The following DYNC1I1 variants were observed in gnomAD, a reference collection of about 807,000 sequenced individuals.
DYNC1I1 encodes the protein dynein cytoplasmic 1 intermediate chain 1.
A neutral mutation model predicts 86.6 loss-of-function variants in DYNC1I1; 43 were observed. The ratio of observed to expected loss-of-function variants is 0.50; its 90% CI spans 0.39 to 0.64. DYNC1I1 has a LOEUF of 0.64. Among genes scored for constraint, DYNC1I1 ranks in the 30% least tolerant of loss-of-function variants. The pLI, the probability that DYNC1I1 is intolerant of heterozygous loss-of-function variation, is 0.00. For synonymous variants in DYNC1I1, 262 were observed against 283.7 expected (o/e 0.92, Z 0.77); for missense variants, 604 against 788.8 (o/e 0.77, Z 2.81).
chr7:95,785,269 C>G (rs1241122434), intron 1 of DYNC1I1, among the ~76,000 whole-genome samples: 2 of 152,024 alleles, frequency 1.3e-5, no homozygotes, highest in Non-Finnish European at 2.9e-5. Context: ...AAAAAATTAG[C>G]CAGGCATGGT....
At chr7:95,857,740 C>G (rs1221979275) in intron 5 of DYNC1I1, among the ~76,000 whole-genome samples, 1 of 152,212 alleles carries the variant, frequency 6.6e-6, no homozygotes, top group Non-Finnish European at 1.5e-5. Context: ...TGAAGATTCA[C>G]TCTGACAAGT....
chr7:95,806,229 T>C (rs1160822870), intron 2 of DYNC1I1, among the ~76,000 whole-genome samples: 1 of 152,228 alleles, frequency 6.6e-6, no homozygotes, highest in Non-Finnish European at 1.5e-5. Flanking sequence ...CCTTTACTAA[T>C]AACCAGTTTC....
In DYNC1I1 at chr7:96,037,854, C is replaced by T. The variant is rs568528471; in HGVS notation, c.1365-1423C>T. Among the ~76,000 whole-genome samples the T allele has an allele frequency of 3.9e-5, 6 of 152,184 alleles. No individual in the cohort carries two copies. In the South Asian group the frequency reaches 1.0e-3, roughly 26 times the overall value. ...AATACAGACCTTAGTAACATTGTAA[C>T]GTAGCAGGCATTGGCTTTGTAGTCA... On this transcript the variant is annotated intron_variant, in intron 13 of 16. Coordinates refer to ENST00000447467, the MANE Select transcript of DYNC1I1 (RefSeq NM_001135556.2).
At chr7:95,927,459 C>A (rs1791775563) in intron 6 of DYNC1I1, among the ~76,000 whole-genome samples, 1 of 151,878 alleles carries the variant, frequency 6.6e-6, no homozygotes, top group Admixed American at 6.6e-5. Flanking sequence ...GACTTAAGGC[C>A]ATTATTGGAT....
At chr7:95,784,432 G>A (rs1794074970) in intron 1 of DYNC1I1, among the ~76,000 whole-genome samples, 1 of 152,084 alleles carries the variant, frequency 6.6e-6, no homozygotes, top group African/African-American at 2.4e-5. Context: ...ACGATGGAGG[G>A]GAGTCCGTGA....
chr7:96,034,443 C>T (rs1794886137), intron 12 of DYNC1I1, among the ~76,000 whole-genome samples: 1 of 152,132 alleles, frequency 6.6e-6, no homozygotes, highest in South Asian at 2.1e-4. Flanking sequence ...TTTTAGCATG[C>T]TCACAGACTC....
At chr7:95,954,525 T>C (rs536598625) in intron 6 of DYNC1I1, among the ~76,000 whole-genome samples, 19 of 152,060 alleles carry the variant, frequency 1.2e-4, no homozygotes, top group Non-Finnish European at 2.4e-4. Flanking sequence ...ATCAGGCATT[T>C]AAGGGCATAA....
intron 10 of DYNC1I1, among the ~76,000 whole-genome samples, chr7:95,997,580 T>G: frequency 8.1e-6 from 1 of 123,376 alleles, no homozygotes; most frequent in Non-Finnish European, 1.7e-5. Flanking sequence ...GAAAAGGGCA[T>G]TCTTGTGTGT....
chr7:95,797,958 C>G (rs966122552), intron 1 of DYNC1I1, among the ~76,000 whole-genome samples: 1 of 150,742 alleles, frequency 6.6e-6, no homozygotes, highest in Non-Finnish European at 1.5e-5. Flanking sequence ...TTTTTTTGGT[C>G]TTGGAAATTG....
intron 16 of DYNC1I1, among the ~76,000 whole-genome samples, chr7:96,091,509 G>A (rs1196454705): frequency 6.6e-6 from 1 of 152,082 alleles, no homozygotes; most frequent in Non-Finnish European, 1.5e-5. Flanking sequence ...ATGTATCTGA[G>A]AAACCAACTG....
chr7:96,081,790 C>T (rs940012174), intron 16 of DYNC1I1, among the ~76,000 whole-genome samples: 1 of 152,088 alleles, frequency 6.6e-6, no homozygotes, highest in African/African-American at 2.4e-5. Flanking sequence ...ATATTATATA[C>T]TGCTATATGG....
At chr7:95,905,449 T>A (rs1232973323) in intron 6 of DYNC1I1, among the ~76,000 whole-genome samples, 2 of 152,166 alleles carry the variant, frequency 1.3e-5, no homozygotes, top group African/African-American at 4.8e-5. Context: ...TGCAGACTCA[T>A]ATTTTCTGCA....
intron 6 of DYNC1I1, among the ~76,000 whole-genome samples, chr7:95,875,981 C>T (rs1317365698): frequency 1.3e-5 from 2 of 152,168 alleles, no homozygotes; most frequent in Non-Finnish European, 2.9e-5. Context: ...TACTGACTCT[C>T]GCTTTGGTGC....
chr7:95,895,120 T>C (rs1003650570), intron 6 of DYNC1I1, among the ~76,000 whole-genome samples: 1 of 152,162 alleles, frequency 6.6e-6, no homozygotes, highest in Non-Finnish European at 1.5e-5. Flanking sequence ...ACGACCCTTT[T>C]TTGGTGCAAC....
At chr7:95,841,706 A>T (rs1453204124) in intron 5 of DYNC1I1, among the ~76,000 whole-genome samples, 5 of 152,062 alleles carry the variant, frequency 3.3e-5, no homozygotes, top group African/African-American at 1.2e-4. Context: ...CTACATACCC[A>T]TTTAAACTCC....
intron 10 of DYNC1I1, among the ~76,000 whole-genome samples, chr7:96,023,351 G>A (rs1338271007): frequency 6.6e-6 from 1 of 152,192 alleles, no homozygotes. Context: ...TGGGGAGTGG[G>A]CAGAGTGCCA....
At chr7:96,036,345 A>C (rs1584267846) in intron 13 of DYNC1I1, among the ~76,000 whole-genome samples, 1 of 152,330 alleles carries the variant, frequency 6.6e-6, no homozygotes, top group Admixed American at 6.5e-5. Context: ...AGGATACATT[A>C]AAGAACAAGA....
intron 4 of DYNC1I1, among the ~76,000 whole-genome samples, chr7:95,815,948 C>G (rs2690294): frequency 0.54 from 82,586 of 151,780 alleles, 23,667 homozygotes; most frequent in African/African-American, 0.71. Context: ...GCAAATTGGC[C>G]TACTCAATGT....
At chr7:95,806,164 A>G (rs1437990340) in intron 2 of DYNC1I1, among the ~76,000 whole-genome samples, 1 of 152,178 alleles carries the variant, frequency 6.6e-6, no homozygotes, top group African/African-American at 2.4e-5. Flanking sequence ...TTAAGTTATT[A>G]TATTTCCTTT....
Sources: gnomAD v4.1 joint callset for allele counts (sites outside exome capture counted in the v4.1 genomes callset) on GRCh38, gnomAD v4.1.1 for gene constraint, MANE v1.5 for transcripts, NCBI Gene and HGNC (gene_info 2026-07-23, HGNC 2026-07-21) for gene names.